The following FSTL5 variants were observed in gnomAD, a reference collection of about 807,000 sequenced individuals.
FSTL5 encodes follistatin like 5.
Under a neutral mutation model 89.1 loss-of-function variants are expected in FSTL5, and 62 were observed. That is an observed-to-expected ratio of 0.70 (90% CI 0.57 to 0.86). The LOEUF (loss-of-function observed/expected upper bound fraction) is 0.86. Among genes scored for constraint, FSTL5 ranks in the 40% least tolerant of loss-of-function variants. The pLI is 0.00. For synonymous variants in FSTL5, 383 were observed against 346.2 expected, an observed-to-expected ratio of 1.11 and a Z score of -1.18; for missense variants, 1,057 against 1,001.6, an observed-to-expected ratio of 1.06 and a Z score of -0.75.
intron 15 of FSTL5, among the ~76,000 whole-genome samples, chr4:161,432,928 G>T (rs1205277497): frequency 6.6e-6 from 1 of 151,820 alleles, no homozygotes; most frequent in African/African-American, 2.4e-5. Flanking sequence ...TAAGACCAAA[G>T]CTGTAATAAA....
chr4:161,787,330 T>G (rs2126816410), intron 4 of FSTL5, among the ~76,000 whole-genome samples: 1 of 152,224 alleles, frequency 6.6e-6, no homozygotes, highest in South Asian at 2.1e-4. Context: ...GATTTGTGAG[T>G]GACTGGTGAG....
intron 2 of FSTL5, among the ~76,000 whole-genome samples, chr4:162,045,635 T>C (rs922743460): frequency 8.5e-5 from 13 of 152,146 alleles, no homozygotes; most frequent in Admixed American, 2.6e-4. Flanking sequence ...AATAAGCACA[T>C]GCTATTTTTA....
At chr4:161,996,459 C>G (rs1243218786) in intron 3 of FSTL5, among the ~76,000 whole-genome samples, 1 of 152,222 alleles carries the variant, frequency 6.6e-6, no homozygotes, top group East Asian at 1.9e-4. Flanking sequence ...ACCTCCCCCA[C>G]CACTCAAACT....
intron 4 of FSTL5, among the ~76,000 whole-genome samples, chr4:161,862,645 T>C (rs1731955910): frequency 6.6e-6 from 1 of 152,026 alleles, no homozygotes; most frequent in Admixed American, 6.6e-5. Flanking sequence ...GGCAGGAGAA[T>C]CACTTGAACC....
At position 161,438,329 on chromosome 4, in the gene FSTL5, A is replaced by AT. The variant is rs201939029; in HGVS notation, c.1841+16674dup. Among the ~76,000 whole-genome samples the AT allele has an allele frequency of 3.2e-3, 477 of 150,428 alleles. 3 individuals carry two copies. The highest frequency in any genetic ancestry group is 4.7e-3 in the Non-Finnish European group (318 of 67,706). On this transcript the variant is annotated intron_variant, in intron 15 of 15. Coordinates refer to ENST00000306100, the MANE Select transcript of FSTL5 (RefSeq NM_020116.5). Reference sequence around the variant, plus strand: ...AAGTGGGCCAGAGCTTCTTCTTACTATTTTTTTTTCTTTTATGTGCTTCAT... The same window carrying AT: ...AAGTGGGCCAGAGCTTCTTCTTACTATTTTTTTTTTCTTTTATGTGCTTCAT...
At chr4:161,975,967 A>T (rs1027824461) in intron 3 of FSTL5, among the ~76,000 whole-genome samples, 3 of 150,972 alleles carry the variant, frequency 2.0e-5, no homozygotes, top group Admixed American at 2.0e-4. Context: ...TACAAAAAAA[A>T]ATTAGCCAGG....
chr4:162,116,398 AT>A (rs1731637058), intron 1 of FSTL5, among the ~76,000 whole-genome samples: 1 of 152,184 alleles, frequency 6.6e-6, no homozygotes, highest in South Asian at 2.1e-4. Flanking sequence ...AGCATATAAA[AT>A]CTCCACGTAG....
chr4:161,880,471 T>G (rs1485114353), intron 4 of FSTL5, among the ~76,000 whole-genome samples: 1 of 152,100 alleles, frequency 6.6e-6, no homozygotes, highest in Admixed American at 6.5e-5. Flanking sequence ...GAAAACAGTT[T>G]GGCAGTTCCT....
At chr4:162,030,325 G>T (rs560670246) in intron 3 of FSTL5, among the ~76,000 whole-genome samples, 32 of 152,002 alleles carry the variant, frequency 2.1e-4, no homozygotes, top group Admixed American at 1.9e-3. Context: ...GATATATGTA[G>T]AAAACTCAAT....
chr4:161,405,146 T>G (rs1457870101), intron 15 of FSTL5, among the ~76,000 whole-genome samples: 12 of 151,880 alleles, frequency 7.9e-5, no homozygotes, highest in Admixed American at 7.9e-4. Context: ...GGCAGGAGAA[T>G]TGCTTGAACC....
chr4:161,848,567 T>C (rs1731450068), intron 4 of FSTL5, among the ~76,000 whole-genome samples: 1 of 152,220 alleles, frequency 6.6e-6, no homozygotes, highest in Non-Finnish European at 1.5e-5. Context: ...TATTTGCATA[T>C]TATATGTAGC....
intron 4 of FSTL5, among the ~76,000 whole-genome samples, chr4:161,829,726 T>C (rs1401681062): frequency 1.3e-5 from 2 of 152,120 alleles, no homozygotes; most frequent in African/African-American, 4.8e-5. Context: ...CTGTGCTTTC[T>C]AAATGGTAAA....
At chr4:161,563,275 C>CTT (rs1400597357) in intron 8 of FSTL5, among the ~76,000 whole-genome samples, 1 of 151,828 alleles carries the variant, frequency 6.6e-6, no homozygotes, top group Non-Finnish European at 1.5e-5. Context: ...AAAAATATTA[C>CTT]TTTGAGATCT....
intron 3 of FSTL5, among the ~76,000 whole-genome samples, chr4:162,029,146 GGAGAGA>G (rs5863512): frequency 3.0e-4 from 42 of 139,292 alleles, no homozygotes; most frequent in Admixed American, 6.6e-4. Context: ...TGTACATGAG[GGAGAGA>G]GAGAGAGAGA....
chr4:161,952,550 G>C (rs1249756538), intron 3 of FSTL5, among the ~76,000 whole-genome samples: 2 of 151,928 alleles, frequency 1.3e-5, no homozygotes, highest in Non-Finnish European at 2.9e-5. Context: ...GTTAAAAAGT[G>C]TAAGAAATCA....
At chr4:161,867,089 G>A (rs1732115679) in intron 4 of FSTL5, among the ~76,000 whole-genome samples, 1 of 151,952 alleles carries the variant, frequency 6.6e-6, no homozygotes, top group Non-Finnish European at 1.5e-5. Context: ...GATATATTCA[G>A]AGCCTCAGTT....
intron 1 of FSTL5, among the ~76,000 whole-genome samples, chr4:162,153,733 T>TTATATATGTATATAATAATATATGTATAC (rs1733344220): frequency 9.3e-6 from 1 of 107,582 alleles, no homozygotes; most frequent in Non-Finnish European, 2.0e-5. Context: ...TATATGTATA[T>TTATATATGTATATAATAATATATGTATAC]ATGTATATAA....
At chr4:161,940,455 C>T (rs1734548845) in intron 3 of FSTL5, among the ~76,000 whole-genome samples, 1 of 151,682 alleles carries the variant, frequency 6.6e-6, no homozygotes, top group East Asian at 1.9e-4. Flanking sequence ...GACACAAAAA[C>T]ATCTGCACTG....
At chr4:161,392,398 G>A (rs1016043483) in intron 15 of FSTL5, among the ~76,000 whole-genome samples, 3 of 151,936 alleles carry the variant, frequency 2.0e-5, no homozygotes, top group African/African-American at 2.4e-5. Context: ...GCTAATTTTC[G>A]TATTTTTTGT....
Sources: allele counts gnomAD v4.1 joint callset (sites outside exome capture counted in the v4.1 genomes callset), GRCh38; gene constraint gnomAD v4.1.1; transcripts MANE v1.5; gene names NCBI Gene and HGNC (gene_info 2026-07-23, HGNC 2026-07-21).